The following RNF13 variants were observed in gnomAD, a reference collection of about 807,000 sequenced individuals.
RNF13 encodes the protein ring finger protein 13.
In RNF13, 19 loss-of-function variants were observed where a neutral mutation model predicts 37.7. The ratio of observed to expected loss-of-function variants is 0.50; its 90% CI spans 0.35 to 0.74. The LOEUF (loss-of-function observed/expected upper bound fraction) is 0.74, where lower values mean the gene tolerates loss of function less well. Ranked by LOEUF, RNF13 falls within the 30% of genes least tolerant of loss-of-function variation. RNF13 has a pLI of 0.01. For synonymous variants in RNF13, 144 were observed against 157.8 expected, an observed-to-expected ratio of 0.91 and a Z score of 0.65; for missense variants, 375 against 453.0, an observed-to-expected ratio of 0.83 and a Z score of 1.56.
intron 1 of RNF13, among the ~76,000 whole-genome samples, chr3:149,820,878 A>G (rs1719937661): frequency 6.6e-6 from 1 of 152,194 alleles, no homozygotes; most frequent in South Asian, 2.1e-4. Flanking sequence ...TGGATATTTT[A>G]TATAAATTGA....
intron 1 of RNF13, among the ~76,000 whole-genome samples, chr3:149,835,595 CATTA>C (rs1358086216): frequency 6.7e-6 from 1 of 149,912 alleles, no homozygotes; most frequent in African/African-American, 2.5e-5. Context: ...CTGCAAATGC[CATTA>C]ATTAATTCAT....
chr3:149,934,208 G>A (rs1370916610), intron 8 of RNF13, among the ~76,000 whole-genome samples: 1 of 151,936 alleles, frequency 6.6e-6, no homozygotes, highest in African/African-American at 2.4e-5. Flanking sequence ...ATATTCTAGG[G>A]TATTGATTGT....
At chr3:149,886,422 G>A (rs1469541734) in intron 4 of RNF13, among the ~76,000 whole-genome samples, 1 of 152,070 alleles carries the variant, frequency 6.6e-6, no homozygotes, top group Non-Finnish European at 1.5e-5. Context: ...TAGAGAAACA[G>A]TGGATTTATG....
chr3:149,947,436 G>A (rs539972737), intron 8 of RNF13, among the ~76,000 whole-genome samples: 10 of 149,586 alleles, frequency 6.7e-5, no homozygotes, highest in East Asian at 5.9e-4. Context: ...GCGGAGTTTC[G>A]CTCTTTTGCC....
chr3:149,858,716 CCTA>C (rs1723910607), intron 3 of RNF13, among the ~76,000 whole-genome samples: 1 of 152,152 alleles, frequency 6.6e-6, no homozygotes, highest in African/African-American at 2.4e-5. Context: ...CTATGCTGTT[CCTA>C]CTATCCAGAA....
chr3:149,889,414 C>T (rs888175456), intron 4 of RNF13, among the ~76,000 whole-genome samples: 2 of 150,292 alleles, frequency 1.3e-5, no homozygotes, highest in African/African-American at 4.9e-5. Flanking sequence ...AAACGATTCT[C>T]CTGCCTCAAC....
chr3:149,829,325 C>A (rs1033573270), intron 1 of RNF13, among the ~76,000 whole-genome samples: 3 of 152,128 alleles, frequency 2.0e-5, no homozygotes, highest in African/African-American at 7.2e-5. Flanking sequence ...GTCTCGAACT[C>A]CTGACCTCGG....
intron 4 of RNF13, among the ~76,000 whole-genome samples, chr3:149,884,127 A>G (rs1713741226): frequency 6.6e-6 from 1 of 152,016 alleles, no homozygotes; most frequent in Non-Finnish European, 1.5e-5. Flanking sequence ...TCAATTCCGT[A>G]TCTTTGTTGT....
chr3:149,904,715 G>T (rs1184269967), intron 6 of RNF13, among the ~76,000 whole-genome samples: 1 of 152,066 alleles, frequency 6.6e-6, no homozygotes, highest in Non-Finnish European at 1.5e-5. Context: ...GAGAAGTTCA[G>T]ATTCTAAGTA....
chr3:149,898,136 T>C (rs539012533), intron 5 of RNF13, among the ~76,000 whole-genome samples: 2 of 152,278 alleles, frequency 1.3e-5, no homozygotes, highest in South Asian at 2.1e-4. Context: ...TTATTTGACC[T>C]GACAAATTTG....
chr3:149,843,498 A>G (rs1292761728), intron 1 of RNF13, among the ~76,000 whole-genome samples: 2 of 152,244 alleles, frequency 1.3e-5, no homozygotes, highest in Non-Finnish European at 2.9e-5. Flanking sequence ...ACTCCTGAAC[A>G]TTATTTAAAA....
intron 5 of RNF13, among the ~76,000 whole-genome samples, chr3:149,898,797 C>T (rs1158821237): frequency 6.6e-6 from 1 of 151,900 alleles, no homozygotes; most frequent in Non-Finnish European, 1.5e-5. Flanking sequence ...GTGATAAATG[C>T]TATGAAGAAA....
chr3:149,922,922 C>G (rs1044221822), intron 8 of RNF13, among the ~76,000 whole-genome samples: 2 of 152,074 alleles, frequency 1.3e-5, no homozygotes, highest in African/African-American at 4.8e-5. Context: ...TGGCACTTCC[C>G]AGACTTCATT....
At chr3:149,947,091 ATTGAT>A (rs971325163) in intron 8 of RNF13, among the ~76,000 whole-genome samples, 2 of 151,460 alleles carry the variant, frequency 1.3e-5, no homozygotes, top group African/African-American at 4.9e-5. Context: ...TTTTTTTGCT[ATTGAT>A]TTGTAGTTTC....
At chr3:149,836,377 G>A (rs1055414505) in intron 1 of RNF13, among the ~76,000 whole-genome samples, 1 of 152,128 alleles carries the variant, frequency 6.6e-6, no homozygotes, top group South Asian at 2.1e-4. Flanking sequence ...TTGGGGAAGT[G>A]CAAGTCAAGA....
At chr3:149,860,270 A>AAAAAAATAT (rs1302318768) in intron 3 of RNF13, among the ~76,000 whole-genome samples, 1 of 104,116 alleles carries the variant, frequency 9.6e-6, no homozygotes, top group Non-Finnish European at 1.8e-5. Context: ...AAAAAAAAAA[A>AAAAAAATAT]ATATATATAT....
intron 3 of RNF13, among the ~76,000 whole-genome samples, chr3:149,860,258 A>AAC (rs1724082950): frequency 3.2e-5 from 2 of 63,418 alleles, no homozygotes; most frequent in African/African-American, 1.3e-4. Flanking sequence ...ACTCCATCTA[A>AAC]AAAAAAAAAA....
chr3:149,949,348 A>G (rs1721083102), intron 8 of RNF13, among the ~76,000 whole-genome samples: 2 of 151,628 alleles, frequency 1.3e-5, no homozygotes, highest in South Asian at 2.1e-4. Flanking sequence ...TTTCGAATAC[A>G]TCATCCCACT....
intron 8 of RNF13, among the ~76,000 whole-genome samples, chr3:149,946,523 T>C (rs1720785358): frequency 6.6e-6 from 1 of 152,224 alleles, no homozygotes; most frequent in Non-Finnish European, 1.5e-5. Flanking sequence ...CATAGATTTC[T>C]TATTTCTTCA....
Sources: gnomAD v4.1 joint callset for allele counts (sites outside exome capture counted in the v4.1 genomes callset) on GRCh38, gnomAD v4.1.1 for gene constraint, MANE v1.5 for transcripts, NCBI Gene and HGNC (gene_info 2026-07-23, HGNC 2026-07-21) for gene names.